The following CD59 variants were observed in gnomAD, a reference collection of about 807,000 sequenced individuals.
CD59 encodes the protein CD59 glycoprotein.
A neutral mutation model predicts 7.0 loss-of-function variants in CD59; 3 were observed. The ratio of observed to expected loss-of-function variants is 0.43; its 90% CI spans 0.19 to 1.10. The LOEUF (loss-of-function observed/expected upper bound fraction) is 1.10, where lower values mean the gene tolerates loss of function less well. CD59 is among the 50% of genes least tolerant of loss of function. The pLI is 0.29. For missense variants in CD59, 143 were observed against 151.0 expected (o/e 0.95, Z 0.28); for synonymous variants, 60 against 62.0 (o/e 0.97, Z 0.15).
chr11:33,708,986 A>G lies in CD59; in HGVS notation c.*1140T>C, dbSNP rs1853429860. 6.6e-6 allele frequency: 1 copy of G among 152,236 alleles called. No individual in the cohort carries two copies. The highest frequency in any genetic ancestry group is 2.4e-5 in the African/African-American group (1 of 41,464). 9.4% of individuals were successfully genotyped at this position (152,236 alleles called of 1,614,324 possible). A position where few individuals can be genotyped will look rare whatever the true frequency, so the allele number is the denominator to read the frequency against. ...AAGATCATAAAATACAAATGTCATT[A>G]GGTCTACTGAATCTTGAGATTCATT... On this transcript the variant is annotated 3_prime_UTR_variant, in exon 4 of 4. Transcript: ENST00000642928.
At chr11:33,732,088 C>T (rs1854434530) in intron 1 of CD59, among the ~76,000 whole-genome samples, 1 of 152,192 alleles carries the variant, frequency 6.6e-6, no homozygotes, top group South Asian at 2.1e-4. Flanking sequence ...ACGTGCCTTT[C>T]ACCCTCTGCC....
chr11:33,726,319 C>A (rs1014970237), intron 1 of CD59, among the ~76,000 whole-genome samples: 1 of 152,116 alleles, frequency 6.6e-6, no homozygotes, highest in Non-Finnish European at 1.5e-5. Context: ...ACAGAAATCA[C>A]AACAAACTGT....
At chr11:33,725,904 T>G (rs1427965280) in intron 1 of CD59, among the ~76,000 whole-genome samples, 1 of 152,142 alleles carries the variant, frequency 6.6e-6, no homozygotes, top group African/African-American at 2.4e-5. Flanking sequence ...TAAAAGACTT[T>G]AAACCAACAA....
At chr11:33,722,265 G>A in intron 2 of CD59, 114 bp downstream of exon 2, 1 of 794,284 alleles carries the variant, frequency 1.3e-6, no homozygotes, top group Non-Finnish European at 2.2e-6. Flanking sequence ...AACACTGGAA[G>A]GCAAAAGAAC....
Position 33,717,130 on chromosome 11 carries a change from C to T in CD59, c.169+240G>A, listed in dbSNP as rs1169578312. Among the ~76,000 whole-genome samples, 3 of 152,326 alleles carry T rather than the reference C, an allele frequency of 2.0e-5. No homozygotes were observed. In the East Asian group the frequency reaches 5.8e-4, roughly 29 times the overall value. ...TGAGTCGGTTACTTAACCATAATTT[C>T]TTGCTTAATCTGAACCTCCATTTCC... On this transcript the variant is annotated intron_variant, in intron 3 of 3. Transcript: ENST00000642928.
chr11:33,729,562 T>C (rs1854354158), intron 1 of CD59, among the ~76,000 whole-genome samples: 1 of 152,146 alleles, frequency 6.6e-6, no homozygotes, highest in Non-Finnish European at 1.5e-5. Flanking sequence ...AAATACCTAA[T>C]GTAAACGACA....
In CD59 at chr11:33,706,030, C is replaced by G. The variant is rs1285882014; in HGVS notation, c.*4096G>C. 6.6e-6 allele frequency: 1 copy of G among 151,972 alleles called. No individual in the cohort carries two copies. The highest frequency in any genetic ancestry group is 1.5e-5 in the Non-Finnish European group (1 of 68,030). The allele number at this position is 151,972 out of a possible 1,614,324, so 9.4% of individuals were successfully genotyped here. A position where few individuals can be genotyped will look rare whatever the true frequency, so the allele number is the denominator to read the frequency against. On this transcript the variant is annotated 3_prime_UTR_variant, in exon 4 of 4. Coordinates refer to ENST00000642928, the MANE Select transcript of CD59 (RefSeq NM_000611.6). The stretch of plus-strand genomic sequence containing the variant: ...GGAACAGCAACATCCCTAGGGAAAC[C>G]GATCACAGAAAGGCAGCTCACTACC...
chr11:33,721,247 G>T (rs1250211399), intron 2 of CD59, among the ~76,000 whole-genome samples: 2 of 152,164 alleles, frequency 1.3e-5, no homozygotes, highest in Non-Finnish European at 2.9e-5. Context: ...GCTCAGAAAG[G>T]GAGAACATAT....
At position 33,704,882 on chromosome 11, in the gene CD59, C is replaced by G. The variant is rs763210153; in HGVS notation, c.*5244G>C. 2.0e-5 allele frequency: 3 copies of G among 152,554 alleles called. No individual in the cohort carries two copies. Among genetic ancestry groups the G allele is most frequent in the Non-Finnish European group, 4.4e-5 (3 of 68,036 alleles). 9.5% of individuals were successfully genotyped at this position (152,554 alleles called of 1,614,324 possible). ...TTAAGGACCAAGCTATTCTGGGAAG[C>G]CCAGAACAGTCTTTCCTTTATTATT... On this transcript the variant is annotated 3_prime_UTR_variant, in exon 4 of 4. Transcript: ENST00000642928.
At chr11:33,716,659 T>C (rs544333909) in intron 3 of CD59, among the ~76,000 whole-genome samples, 2 of 152,244 alleles carry the variant, frequency 1.3e-5, no homozygotes, top group South Asian at 4.1e-4. Context: ...GTGATGGAGG[T>C]GAATATTCTG....
Position 33,709,752 on chromosome 11 carries a change from C to T in CD59, c.*374G>A, listed in dbSNP as rs1205591847. 7 of 366,314 alleles carry T rather than the reference C, an allele frequency of 1.9e-5. No homozygotes were observed. Among genetic ancestry groups the T allele is most frequent in the Non-Finnish European group, 3.6e-5 (7 of 192,296 alleles). 22.7% of individuals were successfully genotyped at this position (366,314 alleles called of 1,614,324 possible). On this transcript the variant is annotated 3_prime_UTR_variant, in exon 4 of 4. Transcript: ENST00000642928. ...GCTCATATACTCCTGCCCCACCCTCCAAAGATGTACTAATGATGCTAACTG... is the reference window on the plus strand; with the variant it reads ...GCTCATATACTCCTGCCCCACCCTCTAAAGATGTACTAATGATGCTAACTG...
chr11:33,719,865 G>A (rs563791428), intron 2 of CD59, among the ~76,000 whole-genome samples: 7 of 152,212 alleles, frequency 4.6e-5, no homozygotes, highest in East Asian at 1.9e-4. Context: ...AGGAGAAGGC[G>A]CAAAGATGCA....
Position 33,705,990 on chromosome 11 carries a change from C to T in CD59, c.*4136G>A, listed in dbSNP as rs73482907. 7,191 of 151,956 alleles carry T rather than the reference C, an allele frequency of 0.047. 324 individuals carry two copies. The highest frequency in any genetic ancestry group is 0.11 in the African/African-American group (4,616 of 41,374). 9.4% of individuals were successfully genotyped at this position (151,956 alleles called of 1,614,324 possible). On this transcript the variant is annotated 3_prime_UTR_variant, in exon 4 of 4. Coordinates refer to ENST00000642928, the MANE Select transcript of CD59 (RefSeq NM_000611.6). ...GGGTTGGCCACGTTGTATGTAGCTG[C>T]GAATAGCAAGGAGGGGAACAGCAAC...
intron 1 of CD59, 92 bp from the exon 2 acceptor site, chr11:33,722,555 T>A: frequency 6.4e-7 from 1 of 1,556,282 alleles, no homozygotes; most frequent in Non-Finnish European, 8.7e-7. Flanking sequence ...AGAAGGCTTC[T>A]GAGAGGAACA....
At chr11:33,727,920 A>G (rs1245740086) in intron 1 of CD59, among the ~76,000 whole-genome samples, 1 of 152,214 alleles carries the variant, frequency 6.6e-6, no homozygotes, top group African/African-American at 2.4e-5. Flanking sequence ...CCCATTCACA[A>G]TTGCTATAAA....
intron 3 of CD59, chr11:33,711,539 C>CAG: frequency 1.6e-6 from 1 of 625,066 alleles, no homozygotes; most frequent in Non-Finnish European, 2.8e-6. Context: ...ATTAGCCAGG[C>CAG]AGGGTGTTGC....
At chr11:33,713,923 C>T (rs940613953) in intron 3 of CD59, among the ~76,000 whole-genome samples, 4 of 152,166 alleles carry the variant, frequency 2.6e-5, no homozygotes, top group Non-Finnish European at 2.9e-5. Context: ...TTGAAGACTT[C>T]GGCTCAAGTC....
intron 3 of CD59, among the ~76,000 whole-genome samples, chr11:33,716,483 G>A (rs1314742951): frequency 1.3e-5 from 2 of 152,184 alleles, no homozygotes; most frequent in Admixed American, 6.5e-5. Flanking sequence ...ATCTAAGCCT[G>A]AGGGTTTTAC....
At chr11:33,730,443 A>G (rs1395625931) in intron 1 of CD59, among the ~76,000 whole-genome samples, 1 of 152,176 alleles carries the variant, frequency 6.6e-6, no homozygotes, top group Non-Finnish European at 1.5e-5. Context: ...ACTTACACAC[A>G]CAAACACAGA....
Sources: allele counts gnomAD v4.1 joint callset (sites outside exome capture counted in the v4.1 genomes callset), GRCh38; gene constraint gnomAD v4.1.1; transcripts MANE v1.5; gene names NCBI Gene and HGNC (gene_info 2026-07-23, HGNC 2026-07-21).